The following BCL11A variants were observed in gnomAD, a reference collection of about 807,000 sequenced individuals.
The protein encoded by BCL11A is B cell CLL/lymphoma 11A.
Under a neutral mutation model 55.9 loss-of-function variants are expected in BCL11A, and 2 were observed. The observed-to-expected ratio is 0.04, with a 90% CI of 0.01 to 0.11. The LOEUF is 0.11. Among genes scored for constraint, BCL11A ranks in the 10% least tolerant of loss-of-function variants. The pLI is 1.00. For missense variants in BCL11A, 817 were observed against 1,137.1 expected, an observed-to-expected ratio of 0.72 and a Z score of 4.05; for synonymous variants, 465 against 473.4, an observed-to-expected ratio of 0.98 and a Z score of 0.23.
In BCL11A at chr2:60,553,559, T is replaced by TG; in HGVS notation, c.-290dup. On this transcript the variant is annotated 5_prime_UTR_variant, in exon 1 of 4. Transcript: ENST00000642384. ...ATAGAGGGAGAGAGAGAGAGAGAGA[T>TG]GAAAAAAATGGCAAAAGCCCCCCTG... The TG allele has an allele frequency of 3.1e-6, 1 of 318,964 alleles. No individual in the cohort carries two copies. The highest frequency in any genetic ancestry group is 5.1e-6 in the Non-Finnish European group (1 of 197,306). The allele number at this position is 318,964 out of a possible 1,614,324, so 19.8% of individuals were successfully genotyped here. A position where few individuals can be genotyped will look rare whatever the true frequency, so the allele number is the denominator to read the frequency against.
intron 2 of BCL11A, among the ~76,000 whole-genome samples, chr2:60,532,465 A>G (rs564100606): frequency 6.6e-6 from 1 of 151,420 alleles, no homozygotes; most frequent in African/African-American, 2.4e-5. Flanking sequence ...TCAGAAAGAC[A>G]GCTTCTGGGC....
intron 2 of BCL11A, among the ~76,000 whole-genome samples, chr2:60,472,636 T>C (rs1012319468): frequency 2.0e-5 from 3 of 152,264 alleles, no homozygotes; most frequent in African/African-American, 7.2e-5. Context: ...TTTCTACATA[T>C]ATTGGGTACC....
At chr2:60,528,608 C>T (rs976334393) in intron 2 of BCL11A, 2 of 152,284 alleles carry the variant, frequency 1.3e-5, no homozygotes, top group Non-Finnish European at 2.9e-5. Context: ...TGCCTGGCAC[C>T]GCTGAAGAAA....
chr2:60,521,106 CACACA>C (rs1668970846), intron 2 of BCL11A, among the ~76,000 whole-genome samples: 2 of 20,468 alleles, frequency 9.8e-5, no homozygotes, highest in Non-Finnish European at 3.0e-4. Context: ...CACACTCACA[CACACA>C]CACACACACA....
downstream of BCL11A, chr2:60,451,095 G>C (rs1675704878): frequency 5.6e-6 from 1 of 180,038 alleles, no homozygotes; most frequent in East Asian, 9.2e-5. Flanking sequence ...GAAGTCGTGA[G>C]ATCTGTCCCA....
chr2:60,492,519 C>T (rs529580985), intron 2 of BCL11A, among the ~76,000 whole-genome samples: 2 of 152,252 alleles, frequency 1.3e-5, no homozygotes, highest in East Asian at 3.9e-4. Flanking sequence ...ATTTCCTCCC[C>T]TTGCTCTCTC....
chr2:60,551,499 G>A (rs1296113299), intron 1 of BCL11A, among the ~76,000 whole-genome samples: 1 of 152,220 alleles, frequency 6.6e-6, no homozygotes, highest in Non-Finnish European at 1.5e-5. Flanking sequence ...GGTGGGGGGT[G>A]GGCAGGGAAA....
At chr2:60,504,856 G>A (rs966757957) in intron 2 of BCL11A, among the ~76,000 whole-genome samples, 4 of 152,072 alleles carry the variant, frequency 2.6e-5, no homozygotes, top group Admixed American at 6.5e-5. Context: ...ACCAGTGAGC[G>A]CCCACCACTA....
chr2:60,452,593 C>G, downstream of BCL11A: 1 of 1,613,742 alleles, frequency 6.2e-7, no homozygotes, highest in Non-Finnish European at 8.5e-7. Context: ...TAAGGGCTCT[C>G]GAGCTTCCAT....
chr2:60,540,639 T>C (rs1669877077), intron 2 of BCL11A, among the ~76,000 whole-genome samples: 1 of 152,158 alleles, frequency 6.6e-6, no homozygotes, highest in Non-Finnish European at 1.5e-5. Flanking sequence ...TACCCCAATT[T>C]AGTACTCCCA....
chr2:60,479,665 A>T (rs1677839984), intron 2 of BCL11A, among the ~76,000 whole-genome samples: 1 of 152,200 alleles, frequency 6.6e-6, no homozygotes, highest in Admixed American at 6.5e-5. Flanking sequence ...CGACCAGGCA[A>T]GAACCGTCCT....
downstream of BCL11A, among the ~76,000 whole-genome samples, chr2:60,454,023 G>A (rs1321209282): frequency 2.0e-5 from 3 of 152,032 alleles, no homozygotes; most frequent in Non-Finnish European, 2.9e-5. Context: ...CGTAGATGAC[G>A]CTGGGAAATA....
At chr2:60,451,016 T>C (rs1232034475), downstream of BCL11A, 1 of 175,552 alleles carries the variant, frequency 5.7e-6, no homozygotes, top group Non-Finnish European at 1.2e-5. Context: ...CTCTGCTTTC[T>C]CTCTTACTGA....
chr2:60,516,790 G>C (rs1244653907), intron 2 of BCL11A, among the ~76,000 whole-genome samples: 1 of 152,220 alleles, frequency 6.6e-6, no homozygotes, highest in Admixed American at 6.5e-5. Flanking sequence ...GGACATAAGA[G>C]TGCAGACATA....
At chr2:60,467,347 A>G (rs1436019456) in intron 3 of BCL11A, among the ~76,000 whole-genome samples, 184 of 14,134 alleles carry the variant, frequency 0.013, no homozygotes, top group Admixed American at 0.02. Context: ...TGGTGGTGGT[A>G]ATGGTGGTGG....
At chr2:60,504,571 G>C (rs1469272551) in intron 2 of BCL11A, among the ~76,000 whole-genome samples, 1 of 152,170 alleles carries the variant, frequency 6.6e-6, no homozygotes, top group Non-Finnish European at 1.5e-5. Flanking sequence ...AAGGCAAAAA[G>C]CAAATAGCAG....
intron 2 of BCL11A, among the ~76,000 whole-genome samples, chr2:60,505,640 T>C (rs1280714209): frequency 1.3e-5 from 2 of 152,206 alleles, no homozygotes; most frequent in Non-Finnish European, 2.9e-5. Context: ...CAGACAGCTC[T>C]TCAGGCTGCC....
intron 2 of BCL11A, among the ~76,000 whole-genome samples, chr2:60,480,340 C>A (rs1157706519): frequency 6.6e-6 from 1 of 152,198 alleles, no homozygotes; most frequent in Non-Finnish European, 1.5e-5. Flanking sequence ...TTCTAAGAAC[C>A]AAGACTCAGT....
chr2:60,512,308 T>G (rs1680029740), intron 2 of BCL11A, among the ~76,000 whole-genome samples: 1 of 152,240 alleles, frequency 6.6e-6, no homozygotes, highest in South Asian at 2.1e-4. Flanking sequence ...TCATTTGGGC[T>G]TGTGGCTGAG....
Sources: allele counts gnomAD v4.1 joint callset (sites outside exome capture counted in the v4.1 genomes callset), GRCh38; gene constraint gnomAD v4.1.1; transcripts MANE v1.5; gene names NCBI Gene and HGNC (gene_info 2026-07-23, HGNC 2026-07-21).